Variants in RUNX2 observed in about 807,000 individuals in gnomAD.
RUNX2 encodes the protein RUNX family transcription factor 2.
A neutral mutation model predicts 51.7 loss-of-function variants in RUNX2; 10 were observed. That is an observed-to-expected ratio of 0.19 (90% CI 0.12 to 0.33). RUNX2 has a LOEUF of 0.33. Ranked by LOEUF, RUNX2 falls within the 10% of genes least tolerant of loss-of-function variation. RUNX2 has a pLI of 1.00. For synonymous variants in RUNX2, 276 were observed against 273.6 expected, an observed-to-expected ratio of 1.01 and a Z score of -0.09; for missense variants, 562 against 691.3, an observed-to-expected ratio of 0.81 and a Z score of 2.10.
At chr6:45,520,727 T>G (rs1203768409) in intron 7 of RUNX2, among the ~76,000 whole-genome samples, 1 of 152,146 alleles carries the variant, frequency 6.6e-6, no homozygotes, top group Non-Finnish European at 1.5e-5. Flanking sequence ...TACATATCTT[T>G]CTTTTTTTTT....
intron 2 of RUNX2, among the ~76,000 whole-genome samples, chr6:45,412,820 C>T (rs776697846): frequency 3.4e-4 from 52 of 152,296 alleles, no homozygotes; most frequent in Non-Finnish European, 5.0e-4. Context: ...TCTCGGCTTA[C>T]TGCAACCTCC....
At position 45,403,689 on chromosome 6, in the gene RUNX2, G is replaced by T. The variant is rs10456125; in HGVS notation, c.59-18904G>T. Among the ~76,000 whole-genome samples the T allele has an allele frequency of 8.2e-3, 1,252 of 152,226 alleles. 16 individuals carry two copies. The highest frequency in any genetic ancestry group is 0.011 in the Non-Finnish European group (749 of 68,026). On this transcript the variant is annotated intron_variant, in intron 2 of 8. Transcript: ENST00000647337. Reference sequence around the variant, plus strand: ...TTTATTGAATGCCCATTATGTGTGAGTCACTGTTCCAGGTACCAGGGATTC... The same window carrying T: ...TTTATTGAATGCCCATTATGTGTGATTCACTGTTCCAGGTACCAGGGATTC...
chr6:45,414,473 A>G (rs766019770), intron 2 of RUNX2, among the ~76,000 whole-genome samples: 8 of 152,218 alleles, frequency 5.3e-5, no homozygotes, highest in Non-Finnish European at 1.2e-4. Context: ...AAGTTTGTAA[A>G]TGCTGTATTT....
chr6:45,440,027 G>A (rs553868201), intron 5 of RUNX2, among the ~76,000 whole-genome samples: 1 of 152,304 alleles, frequency 6.6e-6, no homozygotes, highest in African/African-American at 2.4e-5. Context: ...AGCTTTGTGT[G>A]GTGCCCAGGG....
At chr6:45,371,758 G>A (rs1157833727) in intron 2 of RUNX2, 1 of 802,644 alleles carries the variant, frequency 1.2e-6, no homozygotes, top group African/African-American at 1.9e-5. Flanking sequence ...GAAAATCTTA[G>A]GTAGATGGAT....
intron 7 of RUNX2, among the ~76,000 whole-genome samples, chr6:45,533,731 T>C (rs1801936882): frequency 6.6e-6 from 1 of 152,032 alleles, no homozygotes; most frequent in Admixed American, 6.6e-5. Flanking sequence ...GCAAAGTCAG[T>C]TTTTCAGTTA....
intron 7 of RUNX2, among the ~76,000 whole-genome samples, chr6:45,523,912 C>G (rs1002727582): frequency 2.6e-5 from 4 of 151,346 alleles, no homozygotes; most frequent in Non-Finnish European, 4.4e-5. Context: ...AGCCTAGCAA[C>G]AGAGCGAGAC....
chr6:45,520,909 C>T (rs1451650168), intron 7 of RUNX2, among the ~76,000 whole-genome samples: 1 of 152,042 alleles, frequency 6.6e-6, no homozygotes, highest in Non-Finnish European at 1.5e-5. Flanking sequence ...TTAGTAGAGA[C>T]GGATTTCTCT....
chr6:45,419,008 C>G (rs1798120595), intron 2 of RUNX2, among the ~76,000 whole-genome samples: 1 of 152,070 alleles, frequency 6.6e-6, no homozygotes, highest in Non-Finnish European at 1.5e-5. Flanking sequence ...TTAAAATCCC[C>G]AACCACTGAG....
chr6:45,335,090 A>G (rs1788285814), intron 2 of RUNX2, among the ~76,000 whole-genome samples: 1 of 151,276 alleles, frequency 6.6e-6, no homozygotes, highest in Non-Finnish European at 1.5e-5. Context: ...CTTGAAGCTA[A>G]ACAGGTATAT....
intron 5 of RUNX2, among the ~76,000 whole-genome samples, chr6:45,444,018 T>TTTTTATA (rs1290559882): frequency 6.6e-6 from 1 of 152,152 alleles, no homozygotes; most frequent in Non-Finnish European, 1.5e-5. Flanking sequence ...GCCTGGCTAA[T>TTTTTATA]TTTTATATTT....
intron 5 of RUNX2, among the ~76,000 whole-genome samples, chr6:45,470,475 G>A (rs1008184266): frequency 7.9e-5 from 12 of 152,148 alleles, no homozygotes; most frequent in Non-Finnish European, 1.5e-4. Context: ...CGTAGAACTG[G>A]GAAGTTAAGC....
chr6:45,328,372 A>G lies in RUNX2; in HGVS notation c.-155A>G. The G allele has an allele frequency of 7.2e-7, 1 of 1,390,098 alleles. No homozygotes were observed. The highest frequency in any genetic ancestry group is 1.1e-5 in the South Asian group (1 of 88,182). The allele number at this position is 1,390,098 out of a possible 1,614,324, so 86.1% of individuals were successfully genotyped here. On this transcript the variant is annotated 5_prime_UTR_variant, in exon 1 of 9. Transcript: ENST00000647337. ...CCACAGAACCACAAGTGCGGTGCAAACTTTCTCCAGGAGGACAGCAAGAAG... is the reference window on the plus strand; with the variant it reads ...CCACAGAACCACAAGTGCGGTGCAAGCTTTCTCCAGGAGGACAGCAAGAAG...
chr6:45,410,409 A>G (rs753307470), intron 2 of RUNX2, among the ~76,000 whole-genome samples: 1 of 152,238 alleles, frequency 6.6e-6, no homozygotes, highest in Non-Finnish European at 1.5e-5. Flanking sequence ...ATAAACTAGA[A>G]GTAGAAAATA....
intron 3 of RUNX2, among the ~76,000 whole-genome samples, chr6:45,425,772 G>T (rs1798365916): frequency 6.6e-6 from 1 of 152,084 alleles, no homozygotes; most frequent in African/African-American, 2.4e-5. Flanking sequence ...ATAATATGAA[G>T]AAGTCTCCCT....
At chr6:45,453,423 G>A (rs1368048461) in intron 5 of RUNX2, among the ~76,000 whole-genome samples, 4 of 152,194 alleles carry the variant, frequency 2.6e-5, no homozygotes, top group African/African-American at 7.2e-5. Flanking sequence ...GTTTTCCTGA[G>A]GAATAAGCTG....
intron 2 of RUNX2, among the ~76,000 whole-genome samples, chr6:45,419,256 C>T (rs572560697): frequency 6.6e-6 from 1 of 152,236 alleles, no homozygotes; most frequent in Admixed American, 6.5e-5. Flanking sequence ...GGTGGCATAT[C>T]ACCCACCATG....
chr6:45,486,770 G>A (rs552890881), intron 5 of RUNX2, among the ~76,000 whole-genome samples: 3 of 152,300 alleles, frequency 2.0e-5, no homozygotes, highest in South Asian at 2.1e-4. Flanking sequence ...GGGGAGCCAC[G>A]TAGCTCTCCG....
intron 7 of RUNX2, among the ~76,000 whole-genome samples, chr6:45,538,882 G>A (rs1223759769): frequency 6.6e-6 from 1 of 152,200 alleles, no homozygotes; most frequent in Non-Finnish European, 1.5e-5. Flanking sequence ...GGCACCGTGG[G>A]TGGCCCCTTC....
Sources: allele counts gnomAD v4.1 joint callset (sites outside exome capture counted in the v4.1 genomes callset), GRCh38; gene constraint gnomAD v4.1.1; transcripts MANE v1.5; gene names NCBI Gene and HGNC (gene_info 2026-07-23, HGNC 2026-07-21).